LRP1B: variants seen among roughly 807,000 people sequenced by gnomAD.
The protein encoded by LRP1B is low-density lipoprotein receptor-related protein 1B.
A neutral mutation model predicts 556.6 loss-of-function variants in LRP1B; 217 were observed. The ratio of observed to expected loss-of-function variants is 0.39; its 90% CI spans 0.35 to 0.44. The LOEUF (loss-of-function observed/expected upper bound fraction) is 0.44. LRP1B is among the 20% of genes least tolerant of loss of function. The pLI, the probability that LRP1B is intolerant of heterozygous loss-of-function variation, is 1.00. For synonymous variants in LRP1B, 2,047 were observed against 1,865.8 expected (o/e 1.10, Z -2.50); for missense variants, 5,053 against 5,620.8 (o/e 0.90, Z 3.23).
chr2:141,999,308 G>A (rs1487328801), intron 1 of LRP1B, among the ~76,000 whole-genome samples: 1 of 152,008 alleles, frequency 6.6e-6, no homozygotes, highest in African/African-American at 2.4e-5. Flanking sequence ...GGCTGAGAGT[G>A]GGGGTCCATC....
intron 2 of LRP1B, among the ~76,000 whole-genome samples, chr2:141,731,506 C>T (rs6751983): frequency 0.8 from 121,508 of 151,708 alleles, 49,324 homozygotes; most frequent in East Asian, 0.89. Context: ...CATATTTTTC[C>T]GAGTCAGCGT....
intron 86 of LRP1B, among the ~76,000 whole-genome samples, chr2:140,256,643 A>T (rs1335946679): frequency 2.0e-5 from 3 of 150,324 alleles, no homozygotes; most frequent in Admixed American, 2.0e-4. Context: ...TAATTTTTGT[A>T]TTCTTAGTAG....
intron 2 of LRP1B, among the ~76,000 whole-genome samples, chr2:141,804,418 G>A (rs764738088): frequency 1.7e-4 from 26 of 151,896 alleles, no homozygotes; most frequent in Admixed American, 3.9e-4. Context: ...TCAACATCAA[G>A]GTTTTTGGAA....
intron 1 of LRP1B, among the ~76,000 whole-genome samples, chr2:141,827,826 A>G (rs951162238): frequency 1.3e-5 from 2 of 152,128 alleles, no homozygotes; most frequent in African/African-American, 4.8e-5. Context: ...AAATATTGCT[A>G]TAAAGTATAT....
chr2:140,244,269 T>C (rs191292464), intron 87 of LRP1B, among the ~76,000 whole-genome samples: 19 of 151,366 alleles, frequency 1.3e-4, no homozygotes, highest in Non-Finnish European at 2.7e-4. Context: ...TAAAACATAA[T>C]GGATGATACA....
intron 1 of LRP1B, among the ~76,000 whole-genome samples, chr2:141,872,459 G>A (rs1698619300): frequency 4.6e-5 from 7 of 151,766 alleles, no homozygotes; most frequent in Admixed American, 4.0e-4. Context: ...AGAGCAAAAA[G>A]CATATGAAAG....
intron 1 of LRP1B, among the ~76,000 whole-genome samples, chr2:142,007,689 C>T: frequency 6.6e-6 from 1 of 152,254 alleles, no homozygotes; most frequent in South Asian, 2.1e-4. Context: ...TAACTGCTAC[C>T]CTTTCTTTTC....
intron 1 of LRP1B, among the ~76,000 whole-genome samples, chr2:142,093,595 G>A (rs945447074): frequency 6.6e-6 from 1 of 152,026 alleles, no homozygotes; most frequent in South Asian, 2.1e-4. Context: ...GAAAGGCAAG[G>A]CAGTGGACAC....
At chr2:140,236,465 TA>T in intron 89 of LRP1B, among the ~76,000 whole-genome samples, 1 of 151,122 alleles carries the variant, frequency 6.6e-6, no homozygotes, top group African/African-American at 2.4e-5. Flanking sequence ...AAAAATATTC[TA>T]AAATTATCAG....
chr2:140,983,939 C>A (rs542358063), intron 17 of LRP1B, among the ~76,000 whole-genome samples: 9 of 151,832 alleles, frequency 5.9e-5, no homozygotes, highest in African/African-American at 1.4e-4. Flanking sequence ...TTAAATAATT[C>A]TATATTGTCT....
chr2:140,694,253 G>A (rs1221003527), intron 41 of LRP1B, among the ~76,000 whole-genome samples: 2 of 152,090 alleles, frequency 1.3e-5, no homozygotes, highest in Admixed American at 6.6e-5. Context: ...AAGCTGTTAA[G>A]TTCCTTACGC....
chr2:141,731,527 A>G (rs573780171), intron 2 of LRP1B, among the ~76,000 whole-genome samples: 3 of 152,154 alleles, frequency 2.0e-5, no homozygotes, highest in Non-Finnish European at 2.9e-5. Flanking sequence ...ATAAAGCCAC[A>G]TATTTTTTTC....
At chr2:140,852,283 C>A (rs192375307) in intron 27 of LRP1B, among the ~76,000 whole-genome samples, 1 of 152,074 alleles carries the variant, frequency 6.6e-6, no homozygotes, top group East Asian at 1.9e-4. Flanking sequence ...GCCAAGACTG[C>A]GCCACCACAC....
chr2:141,753,263 C>CATATATATATATATAT (rs144027196), intron 2 of LRP1B, among the ~76,000 whole-genome samples: 1,985 of 62,368 alleles, frequency 0.032, 285 homozygotes, highest in South Asian at 0.044. Flanking sequence ...TCTCTCTCTC[C>CATATATATATATATAT]ATATATATAT....
At chr2:140,365,292 A>G (rs1682707635) in intron 71 of LRP1B, among the ~76,000 whole-genome samples, 1 of 151,690 alleles carries the variant, frequency 6.6e-6, no homozygotes, top group Non-Finnish European at 1.5e-5. Flanking sequence ...AATAGCAGTA[A>G]GAATTTGGCC....
At chr2:141,762,307 C>T (rs1055891322) in intron 2 of LRP1B, among the ~76,000 whole-genome samples, 5 of 151,560 alleles carry the variant, frequency 3.3e-5, no homozygotes, top group East Asian at 1.9e-4. Flanking sequence ...GATGATGCCA[C>T]GGGAGAAGAT....
intron 3 of LRP1B, among the ~76,000 whole-genome samples, chr2:141,398,054 C>T (rs1001347904): frequency 6.6e-6 from 1 of 152,054 alleles, no homozygotes; most frequent in African/African-American, 2.4e-5. Flanking sequence ...ATCACCTTTT[C>T]TTATGTGAAC....
At chr2:142,023,641 T>A (rs1335643251) in intron 1 of LRP1B, among the ~76,000 whole-genome samples, 1 of 152,220 alleles carries the variant, frequency 6.6e-6, no homozygotes, top group Non-Finnish European at 1.5e-5. Flanking sequence ...TCCAGAATCC[T>A]TCACATTTTA....
chr2:141,578,351 C>A (rs995552793), intron 2 of LRP1B, among the ~76,000 whole-genome samples: 1 of 149,260 alleles, frequency 6.7e-6, no homozygotes, highest in Non-Finnish European at 1.5e-5. Context: ...GAGCCAATAT[C>A]GTGCCATTGC....
Sources: gnomAD v4.1 joint callset for allele counts (sites outside exome capture counted in the v4.1 genomes callset) on GRCh38, gnomAD v4.1.1 for gene constraint, MANE v1.5 for transcripts, NCBI Gene and HGNC (gene_info 2026-07-23, HGNC 2026-07-21) for gene names.